Variants in CEP85L observed in about 807,000 individuals in gnomAD.
CEP85L encodes the protein centrosomal protein of 85 kDa-like.
CEP85L carries 60 observed loss-of-function variants against 100.3 expected under a neutral mutation model. The ratio of observed to expected loss-of-function variants is 0.60; its 90% CI spans 0.49 to 0.74. The LOEUF (loss-of-function observed/expected upper bound fraction) is 0.74, where lower values mean the gene tolerates loss of function less well. Ranked by LOEUF, CEP85L falls within the 30% of genes least tolerant of loss-of-function variation. The pLI is 0.00. For synonymous variants in CEP85L, 319 were observed against 322.7 expected (o/e 0.99, Z 0.12); for missense variants, 973 against 936.2 (o/e 1.04, Z -0.51).
At chr6:118,579,509 G>A (rs1467975057) in intron 2 of CEP85L, among the ~76,000 whole-genome samples, 1 of 152,188 alleles carries the variant, frequency 6.6e-6, no homozygotes, top group Non-Finnish European at 1.5e-5. Flanking sequence ...TCATCAGGCA[G>A]TTGACCTGTA....
chr6:118,669,491 C>A (rs1346878817), intron 1 of CEP85L, among the ~76,000 whole-genome samples: 1 of 152,108 alleles, frequency 6.6e-6, no homozygotes, highest in Non-Finnish European at 1.5e-5. Context: ...AGCATGGAGA[C>A]AATGGAAAGC....
At chr6:118,610,806 A>G (rs1034515934) in intron 2 of CEP85L, among the ~76,000 whole-genome samples, 1 of 152,232 alleles carries the variant, frequency 6.6e-6, no homozygotes, top group African/African-American at 2.4e-5. Flanking sequence ...GGAGGGCACA[A>G]AACAATTCAA....
At chr6:118,469,420 T>A (rs1772772949) in intron 11 of CEP85L, 117 bp from the exon 12 acceptor site, 1 of 718,684 alleles carries the variant, frequency 1.4e-6, no homozygotes, top group Non-Finnish European at 2.4e-6. Flanking sequence ...TCATATTATA[T>A]GCACATTAAC....
intron 2 of CEP85L, among the ~76,000 whole-genome samples, chr6:118,618,844 T>C (rs1773246318): frequency 6.6e-6 from 1 of 152,102 alleles, no homozygotes; most frequent in Non-Finnish European, 1.5e-5. Flanking sequence ...CCACGTAAAT[T>C]GGGCCTTGAC....
At chr6:118,554,690 G>A (rs2114946278) in intron 3 of CEP85L, among the ~76,000 whole-genome samples, 1 of 152,272 alleles carries the variant, frequency 6.6e-6, no homozygotes. Flanking sequence ...TTAAAAACCA[G>A]TAGAGGTGAC....
intron 2 of CEP85L, chr6:118,589,722 C>G: frequency 4.0e-6 from 1 of 248,944 alleles, no homozygotes; most frequent in Non-Finnish European, 7.9e-6. Context: ...CTGCGAACCC[C>G]TCATCATCAG....
intron 2 of CEP85L, among the ~76,000 whole-genome samples, chr6:118,618,237 T>A (rs1378237313): frequency 6.6e-6 from 1 of 152,146 alleles, no homozygotes; most frequent in African/African-American, 2.4e-5. Context: ...TAACTGCCGG[T>A]TAGATTTCTT....
chr6:118,578,638 A>G (rs1780383936), intron 2 of CEP85L, among the ~76,000 whole-genome samples: 1 of 152,166 alleles, frequency 6.6e-6, no homozygotes, highest in South Asian at 2.1e-4. Context: ...CTGAGGCAGG[A>G]GAATGACTTG....
upstream of CEP85L, chr6:118,652,356 C>G (rs755537270): frequency 3.5e-5 from 36 of 1,034,932 alleles, no homozygotes; most frequent in Admixed American, 5.2e-5. Flanking sequence ...AGGAGACGTC[C>G]TAAGGAAGGG....
chr6:118,469,996 C>T (rs951334832), intron 11 of CEP85L, among the ~76,000 whole-genome samples: 3 of 151,980 alleles, frequency 2.0e-5, no homozygotes, highest in Non-Finnish European at 4.4e-5. Flanking sequence ...TTGTTAGTAG[C>T]AATAGTGGTT....
At chr6:118,555,161 G>A (rs1778778099) in intron 3 of CEP85L, among the ~76,000 whole-genome samples, 2 of 152,202 alleles carry the variant, frequency 1.3e-5, no homozygotes, top group South Asian at 4.1e-4. Context: ...GCCAGGTGCA[G>A]TGGCTCACGC....
chr6:118,523,225 C>CA (rs1201714120), intron 4 of CEP85L, among the ~76,000 whole-genome samples: 1 of 152,048 alleles, frequency 6.6e-6, no homozygotes, highest in Non-Finnish European at 1.5e-5. Flanking sequence ...AATGATGTAA[C>CA]ATGAAGGTTT....
chr6:118,655,723 T>C (rs1004248449), upstream of CEP85L, among the ~76,000 whole-genome samples: 1 of 152,226 alleles, frequency 6.6e-6, no homozygotes, highest in African/African-American at 2.4e-5. Flanking sequence ...TGGATTGAGA[T>C]GTACTCAGTG....
At chr6:118,626,600 A>G (rs1773812530) in intron 2 of CEP85L, among the ~76,000 whole-genome samples, 1 of 152,266 alleles carries the variant, frequency 6.6e-6, no homozygotes, top group East Asian at 1.9e-4. Flanking sequence ...CTCCCGCCTT[A>G]AAGAGTTTAA....
In CEP85L at chr6:118,511,334, A is replaced by G. The variant is rs780538839; in HGVS notation, c.1221T>C (p.Tyr407=). Residue 407 remains tyrosine (Y), a synonymous_variant, in exon 5 of 13, where the codon TAT becomes TAC. Transcript: ENST00000368491. ...CCACATAAGAATCCTCACAATTTAC[A>G]TAATGTCCTAACATGGCATGTTGAG... ...LRAQHAMLGH[Y]VNCEDSYVAS... The G allele has an allele frequency of 1.9e-6, 3 of 1,613,022 alleles. No individual in the cohort carries two copies. Among genetic ancestry groups the G allele is most frequent in the South Asian group, 2.2e-5 (2 of 91,018 alleles).
chr6:118,535,459 T>A (rs889547211), intron 3 of CEP85L, among the ~76,000 whole-genome samples: 3 of 152,240 alleles, frequency 2.0e-5, no homozygotes, highest in African/African-American at 7.2e-5. Context: ...GATCCTCATA[T>A]AATCGCAGTT....
intron 2 of CEP85L, among the ~76,000 whole-genome samples, chr6:118,616,646 TAAAAA>T (rs778624803): frequency 2.3e-5 from 3 of 127,790 alleles, no homozygotes; most frequent in African/African-American, 8.7e-5. Context: ...ACCCTGTCTT[TAAAAA>T]AAAAAAAAAA....
At chr6:118,611,838 G>A (rs1408365683) in intron 2 of CEP85L, among the ~76,000 whole-genome samples, 2 of 152,222 alleles carry the variant, frequency 1.3e-5, no homozygotes, top group Non-Finnish European at 2.9e-5. Context: ...AAACAATGTG[G>A]CTGCAATATA....
chr6:118,544,925 T>C (rs1778107967), intron 3 of CEP85L, among the ~76,000 whole-genome samples: 1 of 152,184 alleles, frequency 6.6e-6, no homozygotes, highest in Non-Finnish European at 1.5e-5. Flanking sequence ...TGCTTAGATG[T>C]TTTTTGAACC....
Sources: allele counts gnomAD v4.1 joint callset (sites outside exome capture counted in the v4.1 genomes callset), GRCh38; gene constraint gnomAD v4.1.1; transcripts MANE v1.5; gene names NCBI Gene and HGNC (gene_info 2026-07-23, HGNC 2026-07-21).